PLSCR2: variants seen among roughly 807,000 people sequenced by gnomAD.
The protein encoded by PLSCR2 is phospholipid scramblase 2.
In PLSCR2, 18 loss-of-function variants were observed where a neutral mutation model predicts 25.3. The observed-to-expected ratio is 0.71, with a 90% CI of 0.49 to 1.06. PLSCR2 has a LOEUF of 1.06. Among genes scored for constraint, PLSCR2 ranks in the 50% least tolerant of loss-of-function variants. The pLI is 0.00. For synonymous variants in PLSCR2, 88 were observed against 87.3 expected (o/e 1.01, Z -0.04); for missense variants, 243 against 269.5 (o/e 0.90, Z 0.69).
chr3:146,495,920 C>G (rs1408845428), exon 1 of PLSCR2: 37 of 1,535,632 alleles, frequency 2.4e-5, no homozygotes, highest in Non-Finnish European at 3.1e-5. Flanking sequence ...GAAAAGGCTT[C>G]ATTCTCCATT....
intron 1 of PLSCR2, among the ~76,000 whole-genome samples, chr3:146,493,127 C>A (rs1022108599): frequency 6.6e-6 from 1 of 151,962 alleles, no homozygotes; most frequent in Non-Finnish European, 1.5e-5. Context: ...AAATCCTGAA[C>A]AGACCAAAAA....
At chr3:146,479,617 A>G (rs993581012) in intron 1 of PLSCR2, among the ~76,000 whole-genome samples, 2 of 152,132 alleles carry the variant, frequency 1.3e-5, no homozygotes, top group Non-Finnish European at 2.9e-5. Context: ...AGAGACTTAG[A>G]CTCCCACACA....
At chr3:146,422,433 G>T (rs1279503381) in intron 2 of PLSCR2, among the ~76,000 whole-genome samples, 1 of 151,992 alleles carries the variant, frequency 6.6e-6, no homozygotes, top group Admixed American at 6.6e-5. Flanking sequence ...CAGCCTGCAG[G>T]TGGCTGAAAT....
chr3:146,494,729 C>T (rs963497081), intron 1 of PLSCR2: 1 of 152,106 alleles, frequency 6.6e-6, no homozygotes. Flanking sequence ...AATAATCACA[C>T]AATTATATTA....
intron 1 of PLSCR2, among the ~76,000 whole-genome samples, chr3:146,481,667 T>C (rs534863995): frequency 6.6e-6 from 1 of 152,282 alleles, no homozygotes; most frequent in African/African-American, 2.4e-5. Flanking sequence ...AGGTAATTTA[T>C]AGATTCAATG....
intron 5 of PLSCR2, among the ~76,000 whole-genome samples, chr3:146,453,704 C>G (rs761502254): frequency 1.2e-4 from 19 of 152,100 alleles, no homozygotes; most frequent in Non-Finnish European, 2.6e-4. Flanking sequence ...TTAAAGTTTT[C>G]TTTATAATGG....
chr3:146,495,807 T>C, intron 1 of PLSCR2: 7 of 998,042 alleles, frequency 7.0e-6, no homozygotes, highest in Non-Finnish European at 1.0e-5. Flanking sequence ...AATAGGAACA[T>C]ATGCATAAAC....
At chr3:146,404,168 C>T (rs1452950692) in intron 2 of PLSCR2, among the ~76,000 whole-genome samples, 1 of 152,208 alleles carries the variant, frequency 6.6e-6, no homozygotes, top group Non-Finnish European at 1.5e-5. Context: ...AGTGTGTGCT[C>T]ACCATTGCTC....
At chr3:146,469,785 C>T (rs567151429) in intron 1 of PLSCR2, among the ~76,000 whole-genome samples, 1 of 115,726 alleles carries the variant, frequency 8.6e-6, no homozygotes, top group Admixed American at 9.7e-5. Flanking sequence ...CACCCACCCC[C>T]CCACGCCGTG....
chr3:146,421,168 A>C (rs1391952256), intron 2 of PLSCR2, among the ~76,000 whole-genome samples: 1 of 152,012 alleles, frequency 6.6e-6, no homozygotes, highest in East Asian at 1.9e-4. Flanking sequence ...AAATCAGAAG[A>C]AAGATGGGGT....
At chr3:146,437,530 T>C (rs950289184), downstream of PLSCR2, among the ~76,000 whole-genome samples, 2 of 152,226 alleles carry the variant, frequency 1.3e-5, no homozygotes, top group African/African-American at 4.8e-5. Context: ...AATTTATCCA[T>C]TTCTTGTAGA....
rs546129302 is a variant in PLSCR2, at chr3:146,425,051, A to C, written c.101-29130T>G. ...ATCCATGAAATTATAAGGAAGGAAA[A>C]ATAAATTTGTGTTTGTTTCACTGCT... On this transcript the variant is annotated intron_variant and NMD_transcript_variant, in intron 2 of 3. Coordinates refer to the PLSCR2 transcript ENST00000463633. Among the ~76,000 whole-genome samples, 14 of 48,332 alleles carry C rather than the reference A, an allele frequency of 2.9e-4. No individual in the cohort carries two copies. The South Asian group carries it at 0.014, about 49-fold the overall frequency. 31.7% of individuals were successfully genotyped at this position (48,332 alleles called of 152,430 possible).
chr3:146,451,761 A>G (rs907475617), intron 5 of PLSCR2, among the ~76,000 whole-genome samples: 1 of 152,202 alleles, frequency 6.6e-6, no homozygotes, highest in African/African-American at 2.4e-5. Context: ...TAAATCAGTC[A>G]TGCCTACATA....
rs1368567864 is a variant in PLSCR2 at position 146,483,473 on chromosome 3, ACATGTG to A, written c.-293+12416_-293+12421del. Among the ~76,000 whole-genome samples the A allele has an allele frequency of 2.3e-3, 104 of 45,162 alleles. 1 individual carries two copies. Among genetic ancestry groups the A allele is most frequent in the African/African-American group, 9.8e-3 (86 of 8,806 alleles). 29.6% of individuals were successfully genotyped at this position (45,162 alleles called of 152,430 possible). A position where few individuals can be genotyped will look rare whatever the true frequency, so the allele number is the denominator to read the frequency against. ...TGTATGTATATATATATATATATATACATGTGTATATATATATATATATATATATAT... is the reference window on the plus strand; with the variant it reads ...TGTATGTATATATATATATATATATATATATATATATATATATATATATAT... On this transcript the variant is annotated intron_variant, in intron 1 of 8. Transcript: ENST00000336685.
At chr3:146,451,159 G>C (rs1423551064) in intron 5 of PLSCR2, among the ~76,000 whole-genome samples, 1 of 139,234 alleles carries the variant, frequency 7.2e-6, no homozygotes, top group African/African-American at 2.7e-5. Context: ...TTGTCCCCCA[G>C]GCTGGAGTGC....
chr3:146,472,008 C>T (rs2042135601), intron 1 of PLSCR2, among the ~76,000 whole-genome samples: 1 of 152,034 alleles, frequency 6.6e-6, no homozygotes, highest in Non-Finnish European at 1.5e-5. Flanking sequence ...TTTAAACTGC[C>T]TCTTGTACCC....
downstream of PLSCR2, among the ~76,000 whole-genome samples, chr3:146,436,930 T>C (rs2039901113): frequency 6.6e-6 from 1 of 152,186 alleles, no homozygotes; most frequent in African/African-American, 2.4e-5. Context: ...ATAGCTCTCA[T>C]TATTTTGAGA....
At chr3:146,476,228 T>G (rs2042278635) in intron 1 of PLSCR2, among the ~76,000 whole-genome samples, 1 of 151,592 alleles carries the variant, frequency 6.6e-6, no homozygotes, top group Admixed American at 6.6e-5. Context: ...ACTAGGCAGT[T>G]GGTGTGACTC....
chr3:146,446,333 T>G lies in PLSCR2; in HGVS notation c.645+2873A>C, dbSNP rs1418227984. 2.6e-5 allele frequency among the ~76,000 whole-genome samples: 4 copies of G among 152,168 alleles called. No homozygotes were observed. The East Asian group carries it at 7.7e-4, about 29-fold the overall frequency. On this transcript the variant is annotated intron_variant, in intron 6 of 6. Coordinates refer to ENST00000610787, the Ensembl canonical transcript of PLSCR2. ...GGTATTCAAAAGAACTTGGGTGTTT[T>G]GATCTAAGTTTTTGGTTACTGCAGC...
Sources: allele counts gnomAD v4.1 joint callset (sites outside exome capture counted in the v4.1 genomes callset), GRCh38; gene constraint gnomAD v4.1.1; transcripts MANE v1.5; gene names NCBI Gene and HGNC (gene_info 2026-07-23, HGNC 2026-07-21).